The following DLG2 variants were observed in gnomAD, a reference collection of about 807,000 sequenced individuals.
DLG2 encodes the protein disks large homolog 2.
A neutral mutation model predicts 132.5 loss-of-function variants in DLG2; 45 were observed. The observed-to-expected ratio is 0.34, with a 90% CI of 0.27 to 0.44. DLG2 has a LOEUF of 0.44. Ranked by LOEUF, DLG2 falls within the 20% of genes least tolerant of loss-of-function variation. DLG2 has a pLI of 1.00. For synonymous variants in DLG2, 424 were observed against 419.6 expected, an observed-to-expected ratio of 1.01 and a Z score of -0.13; for missense variants, 1,045 against 1,196.9, an observed-to-expected ratio of 0.87 and a Z score of 1.87.
chr11:85,090,137 C>T (rs1227668855), intron 6 of DLG2, among the ~76,000 whole-genome samples: 3 of 152,258 alleles, frequency 2.0e-5, no homozygotes, highest in Middle Eastern at 3.4e-3. Context: ...GAGAATAATG[C>T]TACCATGAGA....
In DLG2 at chr11:84,534,554, G is replaced by A. The variant is rs201723589; in HGVS notation, c.519+16C>T. The A allele has an allele frequency of 2.0e-5, 33 of 1,612,080 alleles. 1 individual carries two copies. The South Asian group carries it at 3.2e-4, about 16-fold the overall frequency. On this transcript the variant is annotated intron_variant, in intron 7 of 27. Transcript: ENST00000376104. ...ACTGTCACCAACTATAAAGTCGGAA[G>A]AGCAATATAACTGACCTTCAGAGGA...
intron 15 of DLG2, among the ~76,000 whole-genome samples, chr11:83,891,726 C>T (rs2069935430): frequency 6.6e-6 from 1 of 152,144 alleles, no homozygotes; most frequent in Admixed American, 6.6e-5. Flanking sequence ...TTTCCCATGG[C>T]AACCGAGTGT....
At chr11:85,067,969 C>T (rs2065185419) in intron 6 of DLG2, among the ~76,000 whole-genome samples, 1 of 152,040 alleles carries the variant, frequency 6.6e-6, no homozygotes, top group African/African-American at 2.4e-5. Context: ...AAGTGGGCTT[C>T]GTCCCTGGGA....
At chr11:83,695,448 G>T (rs2081731422) in intron 18 of DLG2, among the ~76,000 whole-genome samples, 1 of 152,150 alleles carries the variant, frequency 6.6e-6, no homozygotes, top group African/African-American at 2.4e-5. Flanking sequence ...TTGTGATTCA[G>T]TAAAAGAGTC....
At chr11:83,474,404 A>G (rs1158712186) in intron 22 of DLG2, among the ~76,000 whole-genome samples, 2 of 152,152 alleles carry the variant, frequency 1.3e-5, no homozygotes, top group Admixed American at 1.3e-4. Context: ...GGGTCAATTA[A>G]AGAAGTGTAA....
chr11:84,517,085 T>C (rs2154515612), intron 7 of DLG2, among the ~76,000 whole-genome samples: 1 of 138,218 alleles, frequency 7.2e-6, no homozygotes, highest in African/African-American at 2.6e-5. Flanking sequence ...ATTCGCAACA[T>C]TGGTTTGAGC....
chr11:85,605,286 T>C (rs1271444743), intron 2 of DLG2, among the ~76,000 whole-genome samples: 2 of 152,220 alleles, frequency 1.3e-5, no homozygotes, highest in Admixed American at 6.5e-5. Flanking sequence ...AAGTATAGTG[T>C]TCTCTCCACA....
chr11:83,564,852 C>A (rs200605571), intron 19 of DLG2, among the ~76,000 whole-genome samples: 1 of 151,434 alleles, frequency 6.6e-6, no homozygotes, highest in Non-Finnish European at 1.5e-5. Flanking sequence ...AGAAGAATTT[C>A]TTTTTTTTTC....
intron 6 of DLG2, among the ~76,000 whole-genome samples, chr11:84,802,699 G>A (rs1011579639): frequency 4.0e-5 from 6 of 150,954 alleles, no homozygotes; most frequent in African/African-American, 1.2e-4. Flanking sequence ...TCTAGGCACT[G>A]AAAAAAGGCC....
chr11:84,265,034 C>T (rs1054338313), intron 7 of DLG2, among the ~76,000 whole-genome samples: 8 of 152,094 alleles, frequency 5.3e-5, no homozygotes, highest in African/African-American at 1.9e-4. Flanking sequence ...GAGTTTAGAA[C>T]TTGGATTATC....
chr11:84,933,095 G>C (rs968441099), intron 6 of DLG2, among the ~76,000 whole-genome samples: 4 of 152,072 alleles, frequency 2.6e-5, no homozygotes, highest in African/African-American at 9.7e-5. Flanking sequence ...GGTTTGATTT[G>C]CATTTCTCTA....
In DLG2 at chr11:85,345,933, C is replaced by T. The variant is rs973960669; in HGVS notation, c.41-60568G>A. ...TCGACAAATGAGATTCATGGTGTTA[C>T]AGGGAAGAGGTCCCTATCCAGACCC... On this transcript the variant is annotated intron_variant, in intron 3 of 27. Transcript: ENST00000376104. Among the ~76,000 whole-genome samples, 21 of 151,966 alleles carry T rather than the reference C, an allele frequency of 1.4e-4. 1 individual carries two copies. The highest frequency in any genetic ancestry group is 4.8e-4 in the African/African-American group (20 of 41,320).
intron 22 of DLG2, among the ~76,000 whole-genome samples, chr11:83,477,739 G>A (rs2092729675): frequency 7.7e-6 from 1 of 130,680 alleles, no homozygotes; most frequent in African/African-American, 2.7e-5. Flanking sequence ...GGTGAAAAGA[G>A]GGGTTTTTTT....
chr11:85,367,548 T>G (rs2084652442), intron 3 of DLG2, among the ~76,000 whole-genome samples: 2 of 152,142 alleles, frequency 1.3e-5, no homozygotes, highest in Non-Finnish European at 2.9e-5. Context: ...TCTGACAGAG[T>G]GGCTTAATCA....
intron 7 of DLG2, among the ~76,000 whole-genome samples, chr11:84,359,668 T>C (rs1323306824): frequency 2.0e-5 from 3 of 151,894 alleles, no homozygotes; most frequent in African/African-American, 4.8e-5. Flanking sequence ...ACAGTGCTTA[T>C]TACACTTTGG....
intron 7 of DLG2, among the ~76,000 whole-genome samples, chr11:84,492,572 C>A (rs1288954049): frequency 6.6e-6 from 1 of 152,098 alleles, no homozygotes; most frequent in African/African-American, 2.4e-5. Flanking sequence ...GGTTCCTCAG[C>A]TGTATAATAA....
At chr11:84,867,664 A>G (rs1470790404) in intron 6 of DLG2, among the ~76,000 whole-genome samples, 1 of 152,240 alleles carries the variant, frequency 6.6e-6, no homozygotes, top group Non-Finnish European at 1.5e-5. Flanking sequence ...AGAAAGAAAC[A>G]TAGGTGTCTC....
rs143471196 is a variant in DLG2, at chr11:84,323,944, C to T, written c.520-72653G>A. Among the ~76,000 whole-genome samples, 19 of 151,968 alleles carry T rather than the reference C, an allele frequency of 1.3e-4. No individual in the cohort carries two copies. In the East Asian group the frequency reaches 3.7e-3, roughly 29 times the overall value. ...CTATTGAGTTGTAGGAGTACCTTAT[C>T]TATTTTGGATATTAAGCCCTTATCA... On this transcript the variant is annotated intron_variant, in intron 7 of 27. Transcript: ENST00000376104.
intron 6 of DLG2, among the ~76,000 whole-genome samples, chr11:84,908,882 G>C (rs2091809487): frequency 6.6e-6 from 1 of 151,304 alleles, no homozygotes; most frequent in Non-Finnish European, 1.5e-5. Flanking sequence ...TTGTTTATAT[G>C]ATCGACATTA....
Sources: gnomAD v4.1 joint callset for allele counts (sites outside exome capture counted in the v4.1 genomes callset) on GRCh38, gnomAD v4.1.1 for gene constraint, MANE v1.5 for transcripts, NCBI Gene and HGNC (gene_info 2026-07-23, HGNC 2026-07-21) for gene names.